ARPIN: variants seen among roughly 807,000 people sequenced by gnomAD.
ARPIN encodes the protein UPF0552 protein C15orf38.
A neutral mutation model predicts 25.9 loss-of-function variants in ARPIN; 23 were observed. That is an observed-to-expected ratio of 0.89 (90% CI 0.64 to 1.26). ARPIN has a LOEUF of 1.26. Among genes scored for constraint, ARPIN ranks in the 50% most tolerant of loss-of-function variants. ARPIN has a pLI of 0.00. For missense variants in ARPIN, 333 were observed against 312.2 expected, an observed-to-expected ratio of 1.07 and a Z score of -0.50; for synonymous variants, 126 against 131.4, an observed-to-expected ratio of 0.96 and a Z score of 0.28.
chr15:89,911,289 A>G (rs1897219172), intron 1 of ARPIN, among the ~76,000 whole-genome samples: 1 of 152,178 alleles, frequency 6.6e-6, no homozygotes, highest in African/African-American at 2.4e-5. Flanking sequence ...ACACTCTCAT[A>G]TTCCTTTTCT....
chr15:89,912,246 G>C (rs1375167868), intron 1 of ARPIN: 1 of 988,890 alleles, frequency 1.0e-6, no homozygotes, highest in Admixed American at 6.1e-5. Flanking sequence ...AAATGGAATG[G>C]TCCCTTCGGC....
chr15:89,904,749 C>T (rs1053231801), intron 3 of ARPIN, among the ~76,000 whole-genome samples: 10 of 152,340 alleles, frequency 6.6e-5, no homozygotes, highest in Admixed American at 5.2e-4. Context: ...GCCTGCGCCA[C>T]GCCAAGCCCA....
chr15:89,903,739 C>T (rs371430655), intron 4 of ARPIN, 38 bp downstream of exon 4: 199 of 1,610,108 alleles, frequency 1.2e-4, no homozygotes, highest in Non-Finnish European at 1.6e-4. Flanking sequence ...ATGGGCCACA[C>T]AGGAACAGTG....
chr15:89,902,668 C>A (rs1316390052), intron 5 of ARPIN, among the ~76,000 whole-genome samples: 1 of 152,128 alleles, frequency 6.6e-6, no homozygotes, highest in Non-Finnish European at 1.5e-5. Context: ...CGTGCCCCTG[C>A]ACTCCAGCCT....
chr15:89,911,993 A>G (rs529954363), intron 1 of ARPIN: 1 of 167,838 alleles, frequency 6.0e-6, no homozygotes, highest in South Asian at 1.9e-4. Flanking sequence ...CGCCCGACTA[A>G]TTTTTGTATT....
At chr15:89,907,071 A>ATTATTG (rs1897133334) in intron 3 of ARPIN, among the ~76,000 whole-genome samples, 1 of 150,306 alleles carries the variant, frequency 6.7e-6, no homozygotes, top group Admixed American at 6.6e-5. Flanking sequence ...TATTATTATT[A>ATTATTG]TTACTATTTT....
Position 89,908,413 on chromosome 15 carries a change from C to T in ARPIN, c.169-1G>A. ...GGATATACAGCACGTAGTAGCGCTCCTGGGGCCAGGCAGACAGAGAGTGAG... is the reference window on the plus strand; with the variant it reads ...GGATATACAGCACGTAGTAGCGCTCTTGGGGCCAGGCAGACAGAGAGTGAG... On this transcript the variant is annotated splice_acceptor_variant, in intron 2 of 5. Transcript: ENST00000357484. LOFTEE classifies it high-confidence loss of function. 1 of 1,613,376 alleles carries T rather than the reference C, an allele frequency of 6.2e-7. No homozygotes were observed. The highest frequency in any genetic ancestry group is 8.5e-7 in the Non-Finnish European group (1 of 1,179,918).
chr15:89,911,618 C>T (rs1897225376), intron 1 of ARPIN, among the ~76,000 whole-genome samples: 1 of 152,106 alleles, frequency 6.6e-6, no homozygotes, highest in African/African-American at 2.4e-5. Context: ...AAATATTTAA[C>T]TGACAAAAGA....
intron 2 of ARPIN, among the ~76,000 whole-genome samples, 200 bp from the exon 3 acceptor site, chr15:89,908,612 T>A (rs910885007): frequency 5.9e-5 from 9 of 152,042 alleles, no homozygotes; most frequent in African/African-American, 1.9e-4. Flanking sequence ...CTGCCGCATA[T>A]AATGAGCCCT....
At chr15:89,906,918 G>A (rs991247633) in intron 3 of ARPIN, among the ~76,000 whole-genome samples, 1 of 151,490 alleles carries the variant, frequency 6.6e-6, no homozygotes, top group African/African-American at 2.4e-5. Context: ...TTGAGCCACT[G>A]CACTCCAGCC....
At chr15:89,902,068 A>T (rs1346190381) in intron 5 of ARPIN, among the ~76,000 whole-genome samples, 1 of 152,116 alleles carries the variant, frequency 6.6e-6, no homozygotes, top group Non-Finnish European at 1.5e-5. Flanking sequence ...CATCATCTCC[A>T]TTACCTAGAT....
In ARPIN at chr15:89,912,528, G is replaced by A. The variant is rs988146911; in HGVS notation, c.92+216C>T. 44 of 1,304,622 alleles carry A rather than the reference G, an allele frequency of 3.4e-5. No homozygotes were observed. In the African/African-American group the frequency reaches 5.9e-4, roughly 17 times the overall value. 80.8% of individuals were successfully genotyped at this position (1,304,622 alleles called of 1,614,324 possible). ...CTCTCTCGAGGGCAGGCGGACAGGC[G>A]GGGAGCTTTAAGCCGATCTGTGTCA... On this transcript the variant is annotated intron_variant, in intron 1 of 5. Coordinates refer to ENST00000357484, the MANE Select transcript of ARPIN (RefSeq NM_182616.4).
At position 89,898,803 on chromosome 15, in the gene ARPIN, C is replaced by T. The variant is rs1896970781; in HGVS notation, c.*2992G>A. 6.6e-6 allele frequency: 1 copy of T among 152,244 alleles called. No individual in the cohort carries two copies. Among genetic ancestry groups the T allele is most frequent in the African/African-American group, 2.4e-5 (1 of 41,454 alleles). The allele number at this position is 152,244 out of a possible 1,614,324, so 9.4% of individuals were successfully genotyped here. On this transcript the variant is annotated 3_prime_UTR_variant, in exon 6 of 6. Coordinates refer to ENST00000357484, the MANE Select transcript of ARPIN (RefSeq NM_182616.4). ...TTCCAAAAGCTGCCCCTACCAGCCA[C>T]ATGGGGGCCCCTGAAAGCAGGGTTT...
Position 89,908,362 on chromosome 15 carries a change from T to C in ARPIN, c.219A>G (p.Lys73=). 6.2e-7 allele frequency: 1 copy of C among 1,614,158 alleles called. No homozygotes were observed. The highest frequency in any genetic ancestry group is 8.5e-7 in the Non-Finnish European group (1 of 1,180,028). The change falls in exon 3 of 6, where the codon AAA becomes AAG. Residue 73 remains lysine, a synonymous_variant. Transcript: ENST00000357484. The part of the protein sequence containing the change: ...YIRPSHIHRR[K]FDAKGNEIEP... Reference sequence around the variant, plus strand: ...CGATTTCATTTCCCTTGGCGTCGAATTTACGGCGATGGATGTGACTGGGCC... The same window carrying C: ...CGATTTCATTTCCCTTGGCGTCGAACTTACGGCGATGGATGTGACTGGGCC...
chr15:89,904,046 C>G, intron 3 of ARPIN, 63 bp from the exon 4 acceptor site: 2 of 1,536,868 alleles, frequency 1.3e-6, no homozygotes. Context: ...CGGAGGGCCT[C>G]TCAGGAGCCA....
rs1003420635 is a variant in ARPIN at position 89,895,138 on chromosome 15, T to C, written c.*6657A>G. On this transcript the variant is annotated 3_prime_UTR_variant, in exon 6 of 6. Coordinates refer to ENST00000357484, the MANE Select transcript of ARPIN (RefSeq NM_182616.4). ...GAAAAAAATATATATCTCAGCAGTG[T>C]TATTACAGGGGAAAATGGGAAGAAA... 6.6e-6 allele frequency: 1 copy of C among 152,092 alleles called. No individual in the cohort carries two copies. Among genetic ancestry groups the C allele is most frequent in the Non-Finnish European group, 1.5e-5 (1 of 68,014 alleles). The allele number at this position is 152,092 out of a possible 1,614,324, so 9.4% of individuals were successfully genotyped here.
intron 3 of ARPIN, among the ~76,000 whole-genome samples, chr15:89,905,210 C>T (rs184301348): frequency 2.1e-4 from 32 of 151,962 alleles, no homozygotes; most frequent in African/African-American, 6.5e-4. Context: ...TTGTTAGAAA[C>T]GGGGTTTCAC....
intron 2 of ARPIN, among the ~76,000 whole-genome samples, 154 bp from the exon 3 acceptor site, chr15:89,908,566 C>T (rs36080424): frequency 0.12 from 17,687 of 152,078 alleles, 1,104 homozygotes; most frequent in African/African-American, 0.14. Context: ...CCCTCTGCCC[C>T]CAAATACTTA....
At chr15:89,904,971 A>T (rs974945598) in intron 3 of ARPIN, among the ~76,000 whole-genome samples, 2 of 151,500 alleles carry the variant, frequency 1.3e-5, no homozygotes, top group African/African-American at 4.9e-5. Flanking sequence ...TTGCAAGGTA[A>T]CAGAAGCCAT....
Sources: allele counts gnomAD v4.1 joint callset (sites outside exome capture counted in the v4.1 genomes callset), GRCh38; gene constraint gnomAD v4.1.1; transcripts MANE v1.5; gene names NCBI Gene and HGNC (gene_info 2026-07-23, HGNC 2026-07-21).